ACTR8: variants seen among roughly 807,000 people sequenced by gnomAD.
ACTR8 encodes actin related protein 8, also known as actin-related protein 8.
ACTR8 carries 70 observed loss-of-function variants against 84.3 expected under a neutral mutation model. The observed-to-expected ratio is 0.83, with a 90% CI of 0.68 to 1.01. The LOEUF (loss-of-function observed/expected upper bound fraction) is 1.01. Ranked by LOEUF, ACTR8 falls within the 50% of genes least tolerant of loss-of-function variation. ACTR8 has a pLI of 0.00. For missense variants in ACTR8, 672 were observed against 775.4 expected, an observed-to-expected ratio of 0.87 and a Z score of 1.58; for synonymous variants, 268 against 275.2, an observed-to-expected ratio of 0.97 and a Z score of 0.26.
In ACTR8 at chr3:53,877,283, C is replaced by A. The variant is rs1335689180; in HGVS notation, c.615G>T (p.Leu205=). 6.2e-7 allele frequency: 1 copy of A among 1,613,902 alleles called. No individual in the cohort carries two copies. Among genetic ancestry groups the A allele is most frequent in the African/African-American group, 1.3e-5 (1 of 75,004 alleles). ...PGPGGSLTAV[L]ADIEVIWSHA... is the part of the protein sequence containing the mutation. ...GAGACCATATTACTTCAATATCTGC[C>A]AGAACAGCTGTAAGAGAGCCCCCAG... is the stretch of plus-strand genomic sequence containing the variant. Residue 205 remains leucine, a synonymous_variant, in exon 5 of 13, where the codon CTG becomes CTT. Transcript: ENST00000335754.
downstream of ACTR8, among the ~76,000 whole-genome samples, chr3:53,862,812 T>A (rs1231892692): frequency 6.6e-6 from 1 of 152,188 alleles, no homozygotes; most frequent in Non-Finnish European, 1.5e-5. Flanking sequence ...AAGCAAGTGG[T>A]GGAGGAAGGA....
At chr3:53,864,452 G>A (rs561373704), downstream of ACTR8, among the ~76,000 whole-genome samples, 57 of 152,174 alleles carry the variant, frequency 3.7e-4, no homozygotes, top group Non-Finnish European at 7.2e-4. Flanking sequence ...GGAGAATGGC[G>A]TGAACCCAGG....
At chr3:53,879,812 G>A in intron 2 of ACTR8, 127 bp downstream of exon 2, 1 of 970,440 alleles carries the variant, frequency 1.0e-6, no homozygotes, top group Non-Finnish European at 1.5e-6. Context: ...AAAAATTAGT[G>A]ACATTATTAA....
downstream of ACTR8, among the ~76,000 whole-genome samples, chr3:53,863,202 GTA>G (rs1699629572): frequency 6.6e-6 from 1 of 152,216 alleles, no homozygotes; most frequent in African/African-American, 2.4e-5. Flanking sequence ...CCAGTCAACA[GTA>G]GGCTATTAGA....
chr3:53,881,249 C>T (rs9810568), intron 1 of ACTR8, among the ~76,000 whole-genome samples: 6,816 of 152,268 alleles, frequency 0.045, 546 homozygotes, highest in African/African-American at 0.16. Context: ...ACATGAATTT[C>T]TGAGCAGTTT....
At chr3:53,881,631 C>T (rs1431810279) in intron 1 of ACTR8, 9 of 402,784 alleles carry the variant, frequency 2.2e-5, no homozygotes, top group Non-Finnish European at 3.2e-5. Flanking sequence ...CACCATTTAA[C>T]CCTCACGGCA....
downstream of ACTR8, among the ~76,000 whole-genome samples, chr3:53,866,468 T>A (rs1699781821): frequency 6.6e-6 from 1 of 152,126 alleles, no homozygotes; most frequent in Non-Finnish European, 1.5e-5. Flanking sequence ...TCTAAAAGCA[T>A]CTTTTTTAAA....
intron 12 of ACTR8, 43 bp from the exon 13 acceptor site, chr3:53,868,905 A>T (rs1217544274): frequency 1.3e-6 from 2 of 1,585,108 alleles, no homozygotes; most frequent in Non-Finnish European, 1.7e-6. Flanking sequence ...CACATAAGAC[A>T]TATACTCAAT....
At chr3:53,865,555 A>G (rs774726189), downstream of ACTR8, 22 of 452,600 alleles carry the variant, frequency 4.9e-5, no homozygotes, top group Non-Finnish European at 8.2e-5. Flanking sequence ...TGAAAACTAT[A>G]ACCATTTTGA....
At chr3:53,869,443 T>C (rs541917849) in intron 12 of ACTR8, among the ~76,000 whole-genome samples, 1 of 152,344 alleles carries the variant, frequency 6.6e-6, no homozygotes, top group Non-Finnish European at 1.5e-5. Context: ...GACTTACTTA[T>C]TTCGCAGTTT....
At chr3:53,881,857 TCC>T (rs34162350) in intron 1 of ACTR8, 120 bp downstream of exon 1, 720,372 of 1,461,890 alleles carry the variant, frequency 0.49, 187,336 homozygotes, top group East Asian at 0.95. Flanking sequence ...GCTTCCGCAC[TCC>T]CCCCACCAGG....
chr3:53,877,483 G>C (rs1386963415), intron 4 of ACTR8, 96 bp from the exon 5 acceptor site: 1 of 1,387,140 alleles, frequency 7.2e-7, no homozygotes, highest in Non-Finnish European at 9.7e-7. Context: ...TTTGCTGAAT[G>C]TGAGAAATGT....
chr3:53,874,151 T>C, intron 8 of ACTR8, 60 bp downstream of exon 8: 1 of 1,550,520 alleles, frequency 6.4e-7, no homozygotes, highest in Non-Finnish European at 8.7e-7. Flanking sequence ...AAGTATCTTT[T>C]AAATCTCTTA....
chr3:53,865,168 T>C (rs752109792), downstream of ACTR8: 26 of 1,614,178 alleles, frequency 1.6e-5, no homozygotes, highest in Non-Finnish European at 1.9e-5. Context: ...AAAAGACGAT[T>C]ACAATGCTCT....
chr3:53,865,082 AC>A (rs1559786428), downstream of ACTR8: 1 of 1,614,052 alleles, frequency 6.2e-7, no homozygotes, highest in Non-Finnish European at 8.5e-7. Context: ...CTTGCCTTTA[AC>A]CTTTTCTGCA....
chr3:53,876,665 C>T lies in ACTR8; in HGVS notation c.733G>A (p.Val245Met). 1.3e-5 allele frequency: 21 copies of T among 1,577,432 alleles called. No homozygotes were observed. Among genetic ancestry groups the T allele is most frequent in the Non-Finnish European group, 1.8e-5 (21 of 1,153,412 alleles). The change falls in exon 6 of 13, where the codon GTG (valine) becomes ATG (methionine). Residue 245 changes from valine to methionine, a missense_variant. Transcript: ENST00000335754. The stretch of plus-strand genomic sequence containing the variant: ...AGTATCATATTCACTAGTTCTTTCA[C>T]ATGCTGCTTATTATAGATATCAGGA... The part of the protein sequence containing the change: ...LIPDIYNKQH[V>M]KELVNMILMK...
chr3:53,878,983 CAG>C (rs1197567530), intron 2 of ACTR8, among the ~76,000 whole-genome samples: 1 of 152,208 alleles, frequency 6.6e-6, no homozygotes, highest in Non-Finnish European at 1.5e-5. Flanking sequence ...AAAAATATTT[CAG>C]AGACTCTTCC....
chr3:53,865,305 G>A (rs1268277931), downstream of ACTR8: 1 of 1,601,014 alleles, frequency 6.2e-7, no homozygotes, highest in Admixed American at 1.7e-5. Flanking sequence ...GCTGCTCCTT[G>A]TAGCCCACCC....
Position 53,870,208 on chromosome 3 carries a change from A to T in ACTR8, c.1568-63T>A. On this transcript the variant is annotated intron_variant, in intron 11 of 12. Coordinates refer to ENST00000335754, the MANE Select transcript of ACTR8 (RefSeq NM_022899.5). The surrounding 1 kb of genome is among the most constrained non-coding windows in gnomAD (Gnocchi z 4.1). ...CACATCCATAATTCTAGGCCAAGCC[A>T]CCAACACCTCTTGCTTGAGCAAGTG... is the stretch of plus-strand genomic sequence containing the variant. The T allele has an allele frequency of 6.4e-7, 1 of 1,573,242 alleles. No homozygotes were observed. The highest frequency in any genetic ancestry group is 8.7e-7 in the Non-Finnish European group (1 of 1,153,732).
Sources: allele counts gnomAD v4.1 joint callset (sites outside exome capture counted in the v4.1 genomes callset), GRCh38; gene constraint gnomAD v4.1.1; non-coding constraint Gnocchi (gnomAD v3.1); transcripts MANE v1.5; gene names NCBI Gene and HGNC (gene_info 2026-07-23, HGNC 2026-07-21).